PCMT1: variants seen among roughly 807,000 people sequenced by gnomAD.
The protein encoded by PCMT1 is protein-L-isoaspartate(D-aspartate) O-methyltransferase.
A neutral mutation model predicts 29.2 loss-of-function variants in PCMT1; 9 were observed. The observed-to-expected ratio is 0.31, with a 90% CI of 0.19 to 0.54. The LOEUF is 0.54. Ranked by LOEUF, PCMT1 falls within the 20% of genes least tolerant of loss-of-function variation. The pLI, the probability that PCMT1 is intolerant of heterozygous loss-of-function variation, is 0.95. For synonymous variants in PCMT1, 98 were observed against 97.5 expected, an observed-to-expected ratio of 1.00 and a Z score of -0.03; for missense variants, 184 against 282.2, an observed-to-expected ratio of 0.65 and a Z score of 2.49.
chr6:149,779,048 C>T (rs1787698586), intron 3 of PCMT1, among the ~76,000 whole-genome samples: 1 of 151,930 alleles, frequency 6.6e-6, no homozygotes, highest in Non-Finnish European at 1.5e-5. Context: ...CCACCCCACC[C>T]CCCCACTCTG....
chr6:149,750,240 G>A (rs902851724), intron 1 of PCMT1: 16 of 478,776 alleles, frequency 3.3e-5, no homozygotes, highest in Non-Finnish European at 5.6e-5. Context: ...AGGGAGTGCA[G>A]TACAGGTGAT....
chr6:149,805,293 A>G (rs1775973781), intron 7 of PCMT1, among the ~76,000 whole-genome samples: 2 of 152,200 alleles, frequency 1.3e-5, no homozygotes, highest in Admixed American at 1.3e-4. Context: ...GCTAAACATT[A>G]AATGTATACC....
chr6:149,776,316 C>T (rs1234209421), intron 3 of PCMT1, among the ~76,000 whole-genome samples: 4 of 151,766 alleles, frequency 2.6e-5, no homozygotes, highest in African/African-American at 9.7e-5. Context: ...GGCATGATCT[C>T]GGCTCACTGC....
intron 2 of PCMT1, 103 bp from the exon 3 acceptor site, chr6:149,773,035 A>AAT: frequency 2.2e-6 from 2 of 907,750 alleles, no homozygotes; most frequent in Non-Finnish European, 3.4e-6. Flanking sequence ...AAAAAAAAAA[A>AAT]GAATTATTGT....
chr6:149,771,579 C>T (rs180783698), intron 2 of PCMT1, among the ~76,000 whole-genome samples: 11 of 152,302 alleles, frequency 7.2e-5, no homozygotes, highest in African/African-American at 2.4e-4. Flanking sequence ...TGCAGTGGCA[C>T]AATATCGGCT....
chr6:149,758,933 A>G (rs1173110259), intron 1 of PCMT1, among the ~76,000 whole-genome samples: 1 of 152,026 alleles, frequency 6.6e-6, no homozygotes, highest in African/African-American at 2.4e-5. Flanking sequence ...CTAGAGTGCA[A>G]TGGCGCGATC....
At chr6:149,805,962 G>A (rs1415900948) in intron 7 of PCMT1, among the ~76,000 whole-genome samples, 1 of 149,542 alleles carries the variant, frequency 6.7e-6, no homozygotes, top group Non-Finnish European at 1.5e-5. Flanking sequence ...AAAAAATTGA[G>A]CAAACTTACA....
intron 6 of PCMT1, among the ~76,000 whole-genome samples, chr6:149,799,969 G>T (rs1788760836): frequency 6.6e-6 from 1 of 152,174 alleles, no homozygotes; most frequent in Admixed American, 6.6e-5. Flanking sequence ...TCTAGCGTAT[G>T]TTTTGAAATA....
chr6:149,769,157 GT>G (rs1479828548), intron 1 of PCMT1, among the ~76,000 whole-genome samples: 2 of 151,600 alleles, frequency 1.3e-5, no homozygotes, highest in East Asian at 1.9e-4. Context: ...GGTTTGATTG[GT>G]TTTTTTCTTT....
chr6:149,762,533 GATATATATATCTATGAT>G (rs1562398121), intron 1 of PCMT1, among the ~76,000 whole-genome samples: 3 of 25,654 alleles, frequency 1.2e-4, no homozygotes, highest in Admixed American at 9.0e-4. Context: ...ATATATCTAT[GATATATATATCTATGAT>G]ATATATATAT....
chr6:149,803,457 C>A (rs1775911418), intron 7 of PCMT1, among the ~76,000 whole-genome samples: 1 of 143,642 alleles, frequency 7.0e-6, no homozygotes, highest in Non-Finnish European at 1.6e-5. Flanking sequence ...AAAGAATGTC[C>A]ACTTTTGTTT....
At chr6:149,750,328 C>T (rs969938679) in intron 1 of PCMT1, 3 of 233,304 alleles carry the variant, frequency 1.3e-5, no homozygotes, top group Non-Finnish European at 2.5e-5. Flanking sequence ...TGGGCTAGGC[C>T]TTATGGAGAG....
chr6:149,755,941 C>T (rs1258679609), intron 1 of PCMT1, among the ~76,000 whole-genome samples: 3 of 152,242 alleles, frequency 2.0e-5, no homozygotes, highest in Admixed American at 6.5e-5. Flanking sequence ...ACACATATCA[C>T]GCAGGTAGAC....
Position 149,791,377 on chromosome 6 carries a change from A to G in PCMT1, c.297+1319A>G, listed in dbSNP as rs576890200. On this transcript the variant is annotated intron_variant, in intron 4 of 7. Coordinates refer to ENST00000464889, the MANE Select transcript of PCMT1 (RefSeq NM_001360452.2). ...TTCTCATCAGAGTCTTATCTGGTCA[A>G]TGGCTATCCAGAGTATTAACTGGGG... Among the ~76,000 whole-genome samples the G allele has an allele frequency of 3.3e-5, 5 of 152,344 alleles. No individual in the cohort carries two copies. The East Asian group carries it at 7.7e-4, about 23-fold the overall frequency.
chr6:149,752,234 G>A (rs1408497929), intron 1 of PCMT1, among the ~76,000 whole-genome samples: 1 of 151,310 alleles, frequency 6.6e-6, no homozygotes, highest in Non-Finnish European at 1.5e-5. Context: ...TTTTGCTCTT[G>A]TTTCCCAAGC....
intron 3 of PCMT1, among the ~76,000 whole-genome samples, chr6:149,782,209 A>C (rs1787842988): frequency 6.6e-6 from 1 of 152,204 alleles, no homozygotes. Flanking sequence ...CAGTAAGCAT[A>C]CAGTGCAAGA....
intron 3 of PCMT1, among the ~76,000 whole-genome samples, chr6:149,781,265 C>T (rs1787804515): frequency 7.0e-6 from 1 of 142,792 alleles, no homozygotes; most frequent in South Asian, 2.2e-4. Flanking sequence ...CTCGCTCTGT[C>T]ACCCGGGCTG....
At chr6:149,762,301 T>A (rs1046093411) in intron 1 of PCMT1, among the ~76,000 whole-genome samples, 2 of 151,702 alleles carry the variant, frequency 1.3e-5, no homozygotes, top group African/African-American at 4.8e-5. Flanking sequence ...CATTAGCCAT[T>A]ATTATAATCA....
chr6:149,762,523 A>C (rs1293583557), intron 1 of PCMT1, among the ~76,000 whole-genome samples: 8 of 28,900 alleles, frequency 2.8e-4, no homozygotes, highest in South Asian at 1.1e-3. Context: ...TCTATGATAT[A>C]TATATCTATG....
Sources: gnomAD v4.1 joint callset for allele counts (sites outside exome capture counted in the v4.1 genomes callset) on GRCh38, gnomAD v4.1.1 for gene constraint, MANE v1.5 for transcripts, NCBI Gene and HGNC (gene_info 2026-07-23, HGNC 2026-07-21) for gene names.